The following CACNA1C variants were observed in gnomAD, a reference collection of about 807,000 sequenced individuals.
CACNA1C encodes calcium voltage-gated channel subunit alpha1 C.
In CACNA1C, 30 loss-of-function variants were observed where a neutral mutation model predicts 229.0. That is an observed-to-expected ratio of 0.13 (90% CI 0.10 to 0.18). The LOEUF is 0.18. Among genes scored for constraint, CACNA1C ranks in the 10% least tolerant of loss-of-function variants. The pLI, the probability that CACNA1C is intolerant of heterozygous loss-of-function variation, is 1.00. For missense variants in CACNA1C, 1,658 were observed against 2,845.0 expected (o/e 0.58, Z 9.49); for synonymous variants, 1,114 against 1,132.5 (o/e 0.98, Z 0.33).
chr12:2,496,507 A>T (rs1436176134), intron 7 of CACNA1C, among the ~76,000 whole-genome samples: 9 of 152,220 alleles, frequency 5.9e-5, no homozygotes, highest in African/African-American at 2.2e-4. Context: ...ATGGCCTGAG[A>T]TAGAAGGGAT....
intron 3 of CACNA1C, among the ~76,000 whole-genome samples, chr12:2,355,976 C>T (rs546285185): frequency 1.3e-5 from 2 of 152,218 alleles, no homozygotes; most frequent in East Asian, 3.9e-4. Flanking sequence ...CAACCCTCTC[C>T]TCCAGGCCCG....
chr12:2,194,411 C>T (rs2097341226), intron 3 of CACNA1C, among the ~76,000 whole-genome samples: 1 of 134,780 alleles, frequency 7.4e-6, no homozygotes, highest in East Asian at 2.2e-4. Context: ...CTGATTGTCC[C>T]CTCTTCCCCC....
intron 1 of CACNA1C, among the ~76,000 whole-genome samples, chr12:2,105,367 T>A (rs552526194): frequency 9.2e-5 from 14 of 152,322 alleles, no homozygotes; most frequent in Admixed American, 2.0e-4. Context: ...CCTCACGGTC[T>A]CCTTGTTTTG....
chr12:2,215,526 C>T lies in CACNA1C; in HGVS notation c.477+95096C>T, dbSNP rs1432380869. Among the ~76,000 whole-genome samples, 1 of 152,212 alleles carries T rather than the reference C, an allele frequency of 6.6e-6. No individual in the cohort carries two copies. Among genetic ancestry groups the T allele is most frequent in the Admixed American group, 6.5e-5 (1 of 15,286 alleles). ...CTCCAGCTCATGCTCTGTCTTTCCT[C>T]AGAGCTCCTACCACAGTCCCTGTCC... On this transcript the variant is annotated intron_variant, in intron 3 of 46. Transcript: ENST00000399655. The surrounding 1 kb of genome is among the most constrained non-coding windows in gnomAD (Gnocchi z 5.0).
At chr12:2,189,357 A>G (rs1373738077) in intron 3 of CACNA1C, among the ~76,000 whole-genome samples, 1 of 152,154 alleles carries the variant, frequency 6.6e-6, no homozygotes, top group Non-Finnish European at 1.5e-5. Flanking sequence ...TGGCTACCAG[A>G]GGAATGGGGA....
At chr12:2,622,723 C>G (rs2083976427) in intron 29 of CACNA1C, among the ~76,000 whole-genome samples, 2 of 152,202 alleles carry the variant, frequency 1.3e-5, no homozygotes, top group Non-Finnish European at 2.9e-5. Flanking sequence ...AAGCTAGGGA[C>G]AGGCGTTCTC....
intron 1 of CACNA1C, among the ~76,000 whole-genome samples, chr12:2,098,485 A>G (rs141177016): frequency 3.1e-4 from 47 of 152,338 alleles, no homozygotes; most frequent in Non-Finnish European, 5.0e-4. Flanking sequence ...TAGTGTGTAC[A>G]TATGCAGGGT....
intron 1 of CACNA1C, among the ~76,000 whole-genome samples, chr12:2,065,568 G>A (rs2059008474): frequency 6.6e-6 from 1 of 152,098 alleles, no homozygotes. Flanking sequence ...ATCTATTCTA[G>A]GAGGTAAGAT....
chr12:1,978,120 CAA>C (rs2034996635), intron 1 of CACNA1C, among the ~76,000 whole-genome samples: 3 of 152,190 alleles, frequency 2.0e-5, no homozygotes, highest in African/African-American at 4.8e-5. Context: ...ATATTTTTGG[CAA>C]AGAGAAATCT....
chr12:2,663,810 C>T (rs1205234675), intron 34 of CACNA1C, among the ~76,000 whole-genome samples: 2 of 136,796 alleles, frequency 1.5e-5, no homozygotes, highest in East Asian at 2.2e-4. Flanking sequence ...GGTGTGATCT[C>T]GGCTCACTGC....
At position 2,622,588 on chromosome 12, in the gene CACNA1C, T is replaced by G. The variant is rs180719906; in HGVS notation, c.3828+10575T>G. Among the ~76,000 whole-genome samples, 427 of 152,302 alleles carry G rather than the reference T, an allele frequency of 2.8e-3. 1 individual carries two copies. Among genetic ancestry groups the G allele is most frequent in the African/African-American group, 9.6e-3 (398 of 41,564 alleles). ...CAGCTGTGCAGAATTGAATTTGCAG[T>G]CCTCATGATTCCATAAAAGGAGTTT... On this transcript the variant is annotated intron_variant, in intron 29 of 46. Coordinates refer to ENST00000399655, the MANE Select transcript of CACNA1C (RefSeq NM_000719.7).
intron 9 of CACNA1C, among the ~76,000 whole-genome samples, chr12:2,518,101 T>G (rs915876799): frequency 2.0e-5 from 3 of 152,168 alleles, no homozygotes; most frequent in Non-Finnish European, 4.4e-5. Flanking sequence ...GGAGCCACTT[T>G]TGCAGTCATC....
At position 2,566,515 on chromosome 12, in the gene CACNA1C, G is replaced by A; in HGVS notation, c.1602G>A (p.Val534=). The A allele has an allele frequency of 6.3e-7, 1 of 1,593,950 alleles. No individual in the cohort carries two copies. Among genetic ancestry groups the A allele is most frequent in the Non-Finnish European group, 8.5e-7 (1 of 1,170,522 alleles). ...TCTACTGGCTGGTGATTTTCCTGGT[G>A]TTCCTCAACACGCTCACCATTGCCT... ...NVFYWLVIFL[V]FLNTLTIASE... is the part of the protein sequence containing the mutation. Residue 534 remains valine (V), a synonymous_variant, in exon 12 of 47, where the codon GTG becomes GTA. Coordinates refer to ENST00000399655, the MANE Select transcript of CACNA1C (RefSeq NM_000719.7). This position sits in a 1 kb window ranked among gnomAD's most constrained non-coding sequence, Gnocchi z 4.0.
intron 4 of CACNA1C, among the ~76,000 whole-genome samples, chr12:2,450,368 C>A (rs567908579): frequency 9.9e-5 from 15 of 151,668 alleles, no homozygotes; most frequent in South Asian, 2.1e-4. Flanking sequence ...TCCTGGCTAA[C>A]ACGGTGAAAC....
rs2097724087 is a variant in CACNA1C at position 2,689,912 on chromosome 12, A to T, written c.6118-988A>T. 2 of 152,376 alleles carry T rather than the reference A, an allele frequency of 1.3e-5. No homozygotes were observed. Among genetic ancestry groups the T allele is most frequent in the African/African-American group, 4.8e-5 (2 of 41,454 alleles). 9.4% of individuals were successfully genotyped at this position (152,376 alleles called of 1,614,324 possible). ...TGCCAAAGAAAAACTAAGCAGGGCA[A>T]GGAGAGAATGAGTGGCGTGGGCAAG... On this transcript the variant is annotated intron_variant, in intron 46 of 46. Transcript: ENST00000399655. The surrounding 1 kb of genome is among the most constrained non-coding windows in gnomAD (Gnocchi z 4.2).
chr12:2,397,990 G>A (rs2098613760), intron 3 of CACNA1C, among the ~76,000 whole-genome samples: 1 of 152,230 alleles, frequency 6.6e-6, no homozygotes, highest in African/African-American at 2.4e-5. Flanking sequence ...CCTAGCCCCT[G>A]GGCCTGTCAC....
intron 3 of CACNA1C, among the ~76,000 whole-genome samples, chr12:2,239,445 G>C (rs899454914): frequency 6.6e-6 from 1 of 152,070 alleles, no homozygotes; most frequent in Non-Finnish European, 1.5e-5. Flanking sequence ...CACAGACCTC[G>C]CGGCCCTCTG....
intron 1 of CACNA1C, among the ~76,000 whole-genome samples, chr12:2,111,494 G>T (rs574301642): frequency 6.6e-6 from 1 of 151,536 alleles, no homozygotes; most frequent in African/African-American, 2.4e-5. Flanking sequence ...CTGGCAGCCC[G>T]TATGAGATGG....
chr12:2,443,226 T>C (rs1402624775), intron 3 of CACNA1C, among the ~76,000 whole-genome samples: 2 of 152,194 alleles, frequency 1.3e-5, no homozygotes, highest in Admixed American at 1.3e-4. Flanking sequence ...AATATAGGCA[T>C]TGGGTAAACT....
Sources: gnomAD v4.1 joint callset for allele counts (sites outside exome capture counted in the v4.1 genomes callset) on GRCh38, gnomAD v4.1.1 for gene constraint, Gnocchi (gnomAD v3.1) non-coding constraint, MANE v1.5 for transcripts, NCBI Gene and HGNC (gene_info 2026-07-23, HGNC 2026-07-21) for gene names.